The following DLG2 variants were observed in gnomAD, a reference collection of about 807,000 sequenced individuals.
DLG2 encodes disks large homolog 2.
Under a neutral mutation model 132.5 loss-of-function variants are expected in DLG2, and 45 were observed. That is an observed-to-expected ratio of 0.34 (90% CI 0.27 to 0.44). The LOEUF (loss-of-function observed/expected upper bound fraction) is 0.44, where lower values mean the gene tolerates loss of function less well. Among genes scored for constraint, DLG2 ranks in the 20% least tolerant of loss-of-function variants. The pLI, the probability that DLG2 is intolerant of heterozygous loss-of-function variation, is 1.00. For synonymous variants in DLG2, 424 were observed against 419.6 expected (o/e 1.01, Z -0.13); for missense variants, 1,045 against 1,196.9 (o/e 0.87, Z 1.87).
rs978131479 is a variant in DLG2, at chr11:84,723,758, T to C, written c.358-189027A>G. Among the ~76,000 whole-genome samples, 65 of 152,172 alleles carry C rather than the reference T, an allele frequency of 4.3e-4. 1 individual carries two copies. Among genetic ancestry groups the C allele is most frequent in the Admixed American group, 1.6e-3 (24 of 15,270 alleles). On this transcript the variant is annotated intron_variant, in intron 6 of 27. Coordinates refer to ENST00000376104, the MANE Select transcript of DLG2 (RefSeq NM_001142699.3). ...CAAGGAGATGACGCATTCATTTTTA[T>C]AGTCAAAATAACTACTCTTAATTAG...
At chr11:84,305,732 A>T (rs1250200069) in intron 7 of DLG2, among the ~76,000 whole-genome samples, 2 of 152,134 alleles carry the variant, frequency 1.3e-5, no homozygotes, top group Non-Finnish European at 2.9e-5. Flanking sequence ...GGAATGATAG[A>T]TATAAACTCT....
chr11:85,281,687 A>G (rs2078235771), intron 4 of DLG2, among the ~76,000 whole-genome samples: 1 of 151,936 alleles, frequency 6.6e-6, no homozygotes, highest in Admixed American at 6.6e-5. Context: ...AATGGCTTTT[A>G]TAAAAAAGAC....
At chr11:83,543,662 A>G (rs900904720) in intron 19 of DLG2, among the ~76,000 whole-genome samples, 1 of 152,196 alleles carries the variant, frequency 6.6e-6, no homozygotes, top group Non-Finnish European at 1.5e-5. Flanking sequence ...AATGTTACAT[A>G]AGGTAATATA....
At chr11:84,395,881 G>T (rs924209191) in intron 7 of DLG2, among the ~76,000 whole-genome samples, 3 of 151,938 alleles carry the variant, frequency 2.0e-5, no homozygotes, top group Non-Finnish European at 4.4e-5. Context: ...AAGAAACATA[G>T]TCCACTATTT....
chr11:83,556,738 T>C (rs752357809), intron 19 of DLG2, among the ~76,000 whole-genome samples: 4 of 152,182 alleles, frequency 2.6e-5, no homozygotes, highest in Non-Finnish European at 5.9e-5. Flanking sequence ...AAACCTGAAG[T>C]TGGCCAGTCA....
At chr11:84,839,836 A>G (rs1169644395) in intron 6 of DLG2, among the ~76,000 whole-genome samples, 2 of 152,154 alleles carry the variant, frequency 1.3e-5, no homozygotes, top group Non-Finnish European at 2.9e-5. Context: ...TACAAAAATT[A>G]ATTCGAGATA....
rs1197639042 is a variant in DLG2 at position 83,865,503 on chromosome 11, GC to G, written c.1565+8916del. ...AAAGAGAAAAAAAAGAAAATGAATG[GC>G]AAATTAAGACTAAGAGAAAGGAGGA... is the stretch of plus-strand genomic sequence containing the variant. On this transcript the variant is annotated intron_variant, in intron 16 of 27. Transcript: ENST00000376104. 1.5e-4 allele frequency among the ~76,000 whole-genome samples: 23 copies of G among 152,020 alleles called. No individual in the cohort carries two copies. The East Asian group carries it at 3.9e-3, about 26-fold the overall frequency.
intron 11 of DLG2, among the ~76,000 whole-genome samples, chr11:84,027,370 C>T (rs1184862043): frequency 6.6e-6 from 1 of 152,030 alleles, no homozygotes; most frequent in African/African-American, 2.4e-5. Context: ...TACTTGTGCT[C>T]ATCATTCTTT....
intron 19 of DLG2, among the ~76,000 whole-genome samples, chr11:83,562,769 G>T (rs879274795): frequency 6.6e-6 from 1 of 151,926 alleles, no homozygotes; most frequent in African/African-American, 2.4e-5. Flanking sequence ...AAATTTTGTT[G>T]TTCTTTCATG....
chr11:84,801,829 G>C (rs1406895480), intron 6 of DLG2, among the ~76,000 whole-genome samples: 1 of 152,086 alleles, frequency 6.6e-6, no homozygotes, highest in Admixed American at 6.5e-5. Flanking sequence ...CTACTACATT[G>C]AACATCCATA....
At chr11:84,684,047 T>G (rs150176637) in intron 6 of DLG2, among the ~76,000 whole-genome samples, 2 of 152,316 alleles carry the variant, frequency 1.3e-5, no homozygotes, top group Non-Finnish European at 2.9e-5. Flanking sequence ...TTGTTTCATG[T>G]TGAGATTGCC....
At chr11:83,769,485 A>C (rs566640952) in intron 18 of DLG2, among the ~76,000 whole-genome samples, 3 of 151,862 alleles carry the variant, frequency 2.0e-5, no homozygotes, top group African/African-American at 7.2e-5. Context: ...GATAGCACAG[A>C]GGAAGCAGTG....
At chr11:85,579,329 C>T (rs1215689671) in intron 3 of DLG2, among the ~76,000 whole-genome samples, 1 of 151,936 alleles carries the variant, frequency 6.6e-6, no homozygotes, top group African/African-American at 2.4e-5. Flanking sequence ...CAACAAACCC[C>T]CATGATACAA....
chr11:84,923,742 G>A (rs2092873047), intron 6 of DLG2, among the ~76,000 whole-genome samples: 1 of 152,058 alleles, frequency 6.6e-6, no homozygotes, highest in African/African-American at 2.4e-5. Flanking sequence ...CAGGACCAGA[G>A]GATCATTGTC....
At chr11:83,787,340 T>TTTTTTTTTTTTTTTTTG (rs66699053) in intron 17 of DLG2, among the ~76,000 whole-genome samples, 6 of 102,754 alleles carry the variant, frequency 5.8e-5, no homozygotes, top group Admixed American at 1.1e-4. Flanking sequence ...TTTTTTTTTT[T>TTTTTTTTTTTTTTTTTG]AGACAGAGTC....
chr11:84,568,531 G>C (rs2099466991), intron 6 of DLG2, among the ~76,000 whole-genome samples: 1 of 151,948 alleles, frequency 6.6e-6, no homozygotes, highest in South Asian at 2.1e-4. Context: ...AATAATAAGA[G>C]GCAGCCAACC....
At chr11:84,502,418 A>G (rs766836668) in intron 7 of DLG2, among the ~76,000 whole-genome samples, 15 of 103,560 alleles carry the variant, frequency 1.4e-4, no homozygotes, top group Non-Finnish European at 2.1e-4. Context: ...TTCTTTCTAT[A>G]CAGAGTCTCA....
intron 2 of DLG2, among the ~76,000 whole-genome samples, chr11:85,604,271 G>A (rs1260584513): frequency 6.6e-6 from 1 of 152,168 alleles, no homozygotes; most frequent in East Asian, 1.9e-4. Context: ...AATTGTGGCT[G>A]CCCTTTTATG....
chr11:85,254,863 T>A (rs1235147945), intron 4 of DLG2, among the ~76,000 whole-genome samples: 1 of 151,866 alleles, frequency 6.6e-6, no homozygotes, highest in East Asian at 1.9e-4. Flanking sequence ...TAATTAGGCA[T>A]GGTGGCAGGC....
Sources: gnomAD v4.1 joint callset for allele counts (sites outside exome capture counted in the v4.1 genomes callset) on GRCh38, gnomAD v4.1.1 for gene constraint, MANE v1.5 for transcripts, NCBI Gene and HGNC (gene_info 2026-07-23, HGNC 2026-07-21) for gene names.